Variants in NUP205 observed in about 807,000 individuals in gnomAD.
The protein encoded by NUP205 is nucleoporin 205.
Under a neutral mutation model 253.8 loss-of-function variants are expected in NUP205, and 76 were observed. The ratio of observed to expected loss-of-function variants is 0.30; its 90% CI spans 0.25 to 0.36. The LOEUF (loss-of-function observed/expected upper bound fraction) is 0.36, where lower values mean the gene tolerates loss of function less well. NUP205 is among the 10% of genes least tolerant of loss of function. NUP205 has a pLI of 1.00. For synonymous variants in NUP205, 832 were observed against 850.1 expected (o/e 0.98, Z 0.37); for missense variants, 2,162 against 2,425.5 (o/e 0.89, Z 2.28).
Position 135,628,034 on chromosome 7 carries a change from A to C in NUP205, c.4855A>C (p.Ile1619Leu), listed in dbSNP as rs769698151. Reference sequence around the variant, plus strand: ...TACCCCAGTGGATCGCTACCGCCAGATTCTCCTCCCAGCTCTCCAGCTGTG... The same window carrying C: ...TACCCCAGTGGATCGCTACCGCCAGCTTCTCCTCCCAGCTCTCCAGCTGTG... ...IPTPVDRYRQILLPALQLCQV... is the reference protein window; with the variant it reads ...IPTPVDRYRQLLLPALQLCQV... The change falls in exon 34 of 43, where the codon ATT becomes CTT. Residue 1619 changes from isoleucine (I) to leucine (L), a missense_variant. Coordinates refer to ENST00000285968, the MANE Select transcript of NUP205 (RefSeq NM_015135.3). 1 of 1,610,898 alleles carries C rather than the reference A, an allele frequency of 6.2e-7. No individual in the cohort carries two copies. The highest frequency in any genetic ancestry group is 2.2e-5 in the East Asian group (1 of 44,804).
chr7:135,607,446 A>G, intron 22 of NUP205, 75 bp downstream of exon 22: 1 of 1,480,272 alleles, frequency 6.8e-7, no homozygotes, highest in Non-Finnish European at 9.2e-7. Flanking sequence ...CACAGATATG[A>G]CAGTATAACA....
At chr7:135,607,619 G>C (rs192332252) in intron 22 of NUP205, among the ~76,000 whole-genome samples, 2 of 152,290 alleles carry the variant, frequency 1.3e-5, no homozygotes, top group African/African-American at 4.8e-5. Context: ...TTTACCAGTA[G>C]TGTAGAAACT....
At chr7:135,645,784 A>G in intron 41 of NUP205, 188 bp downstream of exon 41, 4 of 617,828 alleles carry the variant, frequency 6.5e-6, no homozygotes, top group South Asian at 6.3e-5. Flanking sequence ...TGTGCTGAGC[A>G]TAAGAATATT....
intron 39 of NUP205, among the ~76,000 whole-genome samples, chr7:135,644,466 T>C (rs1794969568): frequency 1.3e-5 from 2 of 152,246 alleles, no homozygotes; most frequent in African/African-American, 4.8e-5. Flanking sequence ...GAAGTGGTCA[T>C]GGGAGCTTTG....
At chr7:135,603,232 C>T (rs539078065) in intron 18 of NUP205, among the ~76,000 whole-genome samples, 1 of 150,382 alleles carries the variant, frequency 6.6e-6, no homozygotes, top group African/African-American at 2.4e-5. Context: ...TCTCCTGCCT[C>T]AGCCTCCTGA....
intron 1 of NUP205, among the ~76,000 whole-genome samples, chr7:135,568,506 G>C (rs1805848334): frequency 6.6e-6 from 1 of 151,714 alleles, no homozygotes; most frequent in African/African-American, 2.4e-5. Flanking sequence ...TAATATTTTT[G>C]TATTTTTAGT....
rs139347799 is a variant in NUP205 at position 135,610,516 on chromosome 7, G to A, written c.3195+3145G>A. 3.3e-3 allele frequency among the ~76,000 whole-genome samples: 504 copies of A among 152,230 alleles called. 3 individuals carry two copies. Among genetic ancestry groups the A allele is most frequent in the African/African-American group, 0.012 (481 of 41,546 alleles). ...ATTACAGGCGTGAGCCACCGTGCCC[G>A]GCCATAACATATGCTCTGTGACCTT... On this transcript the variant is annotated intron_variant, in intron 22 of 42. Coordinates refer to ENST00000285968, the MANE Select transcript of NUP205 (RefSeq NM_015135.3).
rs200201841 is a variant in NUP205, at chr7:135,593,080, T to A, written c.1718T>A (p.Leu573His). ...TACCACGAACACCTTCGGAAGGATC[T>A]TCCAAGTGCAGATAGTGTCCAGTAC... The part of the protein sequence containing the change: ...MLYHEHLRKD[L>H]PSADSVQYRH... The change falls in exon 12 of 43, where the codon CTT becomes CAT. Residue 573 changes from leucine (L) to histidine (H), a missense_variant. Physicochemically the swap from Leu to His is moderately conservative, Grantham distance 99. Coordinates refer to ENST00000285968, the MANE Select transcript of NUP205 (RefSeq NM_015135.3). 1.2e-5 allele frequency: 20 copies of A among 1,614,094 alleles called. No individual in the cohort carries two copies. Among genetic ancestry groups the A allele is most frequent in the Non-Finnish European group, 1.7e-5 (20 of 1,179,982 alleles).
At chr7:135,608,868 A>C (rs1264547306) in intron 22 of NUP205, among the ~76,000 whole-genome samples, 1 of 152,074 alleles carries the variant, frequency 6.6e-6, no homozygotes. Flanking sequence ...TGGGAGGCTA[A>C]GGTGAGCAGA....
intron 40 of NUP205, 146 bp downstream of exon 40, chr7:135,645,164 CAT>C (rs1423268125): frequency 2.1e-6 from 2 of 944,134 alleles, no homozygotes; most frequent in East Asian, 2.4e-5. Context: ...ATTTCCAAAT[CAT>C]AGTTTTTGTT....
chr7:135,567,126 G>GTATATATATATA (rs1563107967), intron 1 of NUP205, among the ~76,000 whole-genome samples: 4 of 5,370 alleles, frequency 7.4e-4, no homozygotes, highest in Admixed American at 4.0e-3. Context: ...CAGTCTATGT[G>GTATATATATATA]TGTATATATA....
intron 1 of NUP205, among the ~76,000 whole-genome samples, chr7:135,563,423 G>A (rs1021758412): frequency 2.6e-5 from 4 of 152,018 alleles, no homozygotes; most frequent in East Asian, 1.9e-4. Flanking sequence ...TCCTGACCTC[G>A]TGATGTGGCC....
chr7:135,580,746 A>C (rs1806282760), intron 7 of NUP205, among the ~76,000 whole-genome samples: 2 of 152,176 alleles, frequency 1.3e-5, no homozygotes, highest in African/African-American at 4.8e-5. Flanking sequence ...TACAGGCGCG[A>C]GCCACCATGC....
rs748504230 is a variant in NUP205 at position 135,626,343 on chromosome 7, C to T, written c.4775C>T (p.Pro1592Leu). The T allele has an allele frequency of 6.2e-7, 1 of 1,614,046 alleles. No individual in the cohort carries two copies. The highest frequency in any genetic ancestry group is 2.2e-5 in the East Asian group (1 of 44,870). Residue 1592 changes from proline (P) to leucine (L), a missense_variant, in exon 33 of 43, where the codon CCA becomes CTA. Transcript: ENST00000285968. Reference protein sequence around the residue: ...LAQCQVYDMRPETDPQSMFGM... With the variant: ...LAQCQVYDMRLETDPQSMFGM... ...CAATGCCAAGTCTATGACATGCGCCCAGAAACGGACCCGCAGAGGTAAGTG... is the reference window on the plus strand; with the variant it reads ...CAATGCCAAGTCTATGACATGCGCCTAGAAACGGACCCGCAGAGGTAAGTG...
At chr7:135,617,876 A>G (rs527689268) in intron 27 of NUP205, among the ~76,000 whole-genome samples, 194 bp downstream of exon 27, 1 of 150,420 alleles carries the variant, frequency 6.6e-6, no homozygotes, top group Non-Finnish European at 1.5e-5. Context: ...AATAAATAAC[A>G]CCTTTTCTGC....
chr7:135,576,387 G>A lies in NUP205; in HGVS notation c.461G>A (p.Arg154Gln), dbSNP rs745673163. The A allele has an allele frequency of 3.5e-5, 57 of 1,613,464 alleles. No homozygotes were observed. Among genetic ancestry groups the A allele is most frequent in the South Asian group, 3.0e-4 (27 of 91,002 alleles). ...NSLKALIQSR[R>Q]GKTWTLELSP... ...TTGAAAGCCTTGATACAGTCTAGAC[G>A]GGGAAAGACATGGACCCTAGAACTC... The change falls in exon 4 of 43, where the codon CGG becomes CAG. Residue 154 changes from arginine to glutamine, a missense_variant. By Grantham distance (43) the Arg-to-Gln change is conservative. This residue lies in a region of NUP205 where 892 missense variants were observed against 957.1 expected (regional missense o/e 0.93). Transcript: ENST00000285968.
In NUP205 at chr7:135,643,339, C is replaced by T. The variant is rs759309818; in HGVS notation, c.5540C>T (p.Pro1847Leu). Reference sequence around the variant, plus strand: ...AAGCTACAAAATGTAGAGCAGCTTCCCCCAGATGAGATAAAAGAGGTACGA... The same window carrying T: ...AAGCTACAAAATGTAGAGCAGCTTCTCCCAGATGAGATAAAAGAGGTACGA... ...VSKLQNVEQLPPDEIKELCQS... is the reference protein window; with the variant it reads ...VSKLQNVEQLLPDEIKELCQS... The change falls in exon 39 of 43, where the codon CCC (proline) becomes CTC (leucine). Residue 1847 changes from proline to leucine, a missense_variant. Coordinates refer to ENST00000285968, the MANE Select transcript of NUP205 (RefSeq NM_015135.3). The T allele has an allele frequency of 1.9e-6, 3 of 1,613,804 alleles. No homozygotes were observed. The highest frequency in any genetic ancestry group is 2.7e-5 in the African/African-American group (2 of 75,012).
chr7:135,629,530 T>TCTCTCTCTCTC (rs1563136036), intron 34 of NUP205, among the ~76,000 whole-genome samples: 2 of 69,094 alleles, frequency 2.9e-5, no homozygotes, highest in East Asian at 3.8e-4. Context: ...TCTGTCTCTC[T>TCTCTCTCTCTC]TTTTTTTTTT....
chr7:135,644,535 T>C (rs982673792), intron 39 of NUP205, among the ~76,000 whole-genome samples: 4 of 152,234 alleles, frequency 2.6e-5, no homozygotes, highest in Non-Finnish European at 5.9e-5. Context: ...TTGCAGAAGA[T>C]ACCTGACAAC....
Sources: gnomAD v4.1 joint callset for allele counts (sites outside exome capture counted in the v4.1 genomes callset) on GRCh38, gnomAD v4.1.1 for gene constraint, gnomAD v4.1.1 regional missense constraint, MANE v1.5 for transcripts, NCBI Gene and HGNC (gene_info 2026-07-23, HGNC 2026-07-21) for gene names.